DLGAP1: variants seen among roughly 807,000 people sequenced by gnomAD.
DLGAP1 encodes disks large-associated protein 1.
In DLGAP1, 11 loss-of-function variants were observed where a neutral mutation model predicts 90.8. That is an observed-to-expected ratio of 0.12 (90% confidence interval 0.08 to 0.20). The LOEUF (loss-of-function observed/expected upper bound fraction) is 0.20, where lower values mean the gene tolerates loss of function less well. Among genes scored for constraint, DLGAP1 ranks in the 10% least tolerant of loss-of-function variants. The pLI is 1.00. For missense variants in DLGAP1, 1,050 were observed against 1,333.8 expected (o/e 0.79, Z 3.31); for synonymous variants, 558 against 540.7 (o/e 1.03, Z -0.44).
intron 6 of DLGAP1, 116 bp downstream of exon 6, chr18:3,742,219 G>A: frequency 7.8e-7 from 1 of 1,278,112 alleles, no homozygotes; most frequent in Non-Finnish European, 1.1e-6. Flanking sequence ...CCTCCTGTCT[G>A]ATCCATCAAT....
At chr18:4,184,566 C>T (rs111936142) in intron 1 of DLGAP1, among the ~76,000 whole-genome samples, 5 of 152,122 alleles carry the variant, frequency 3.3e-5, no homozygotes, top group African/African-American at 9.6e-5. Context: ...ATGCCGATTT[C>T]GTTCAATGGT....
In DLGAP1 at chr18:3,879,738, G is replaced by A; in HGVS notation, c.331C>T (p.Leu111=). The change falls in exon 4 of 13, where the codon CTG becomes TTG. Residue 111 remains leucine, a synonymous_variant. Transcript: ENST00000315677. The surrounding 1 kb of genome is among the most constrained non-coding windows in gnomAD (Gnocchi z 6.6). ...TGATAGCCATCGCGGCTGAGTGGCAGCTGCCGCTCGAACTGGTCCAGCAGG... is the reference window on the plus strand; with the variant it reads ...TGATAGCCATCGCGGCTGAGTGGCAACTGCCGCTCGAACTGGTCCAGCAGG... The part of the protein sequence containing the change: ...ANLLDQFERQ[L]PLSRDGYHTL... 6.2e-7 allele frequency: 1 copy of A among 1,607,324 alleles called. No homozygotes were observed. Among genetic ancestry groups the A allele is most frequent in the Non-Finnish European group, 8.5e-7 (1 of 1,179,728 alleles).
At chr18:3,539,605 C>T (rs57399434) in intron 9 of DLGAP1, among the ~76,000 whole-genome samples, 1 of 152,242 alleles carries the variant, frequency 6.6e-6, no homozygotes, top group South Asian at 2.1e-4. Flanking sequence ...TTTCTACCCT[C>T]TCCCACTTCC....
intron 1 of DLGAP1, among the ~76,000 whole-genome samples, chr18:4,272,634 T>A (rs2079309773): frequency 6.6e-6 from 1 of 152,180 alleles, no homozygotes; most frequent in South Asian, 2.1e-4. Context: ...CAGCACCATA[T>A]GAAGTAAAAA....
At chr18:3,552,152 T>C (rs1001338620) in intron 9 of DLGAP1, among the ~76,000 whole-genome samples, 2 of 152,036 alleles carry the variant, frequency 1.3e-5, no homozygotes, top group African/African-American at 4.8e-5. Context: ...TCCAGGTGGA[T>C]AAGAAGATTC....
At position 4,002,566 on chromosome 18, in the gene DLGAP1, T is replaced by A. The variant is rs192683984; in HGVS notation, c.-73+2550A>T. 1.2e-3 allele frequency among the ~76,000 whole-genome samples: 186 copies of A among 152,306 alleles called. 1 individual carries two copies. Among genetic ancestry groups the A allele is most frequent in the African/African-American group, 4.3e-3 (178 of 41,568 alleles). On this transcript the variant is annotated intron_variant, in intron 3 of 12. Coordinates refer to ENST00000315677, the MANE Select transcript of DLGAP1 (RefSeq NM_004746.4). The stretch of plus-strand genomic sequence containing the variant: ...TTAATAACACTTTTTTTCCTCTAGC[T>A]TACTTTATGGTAAGAATACAATATG...
At chr18:4,162,126 C>G (rs531699129) in intron 1 of DLGAP1, among the ~76,000 whole-genome samples, 1 of 152,260 alleles carries the variant, frequency 6.6e-6, no homozygotes, top group South Asian at 2.1e-4. Context: ...GATTCCTGCA[C>G]CCCTGGAGCT....
intron 4 of DLGAP1, among the ~76,000 whole-genome samples, chr18:3,832,334 T>C (rs957205371): frequency 2.6e-5 from 4 of 152,232 alleles, no homozygotes; most frequent in Admixed American, 1.3e-4. Context: ...GGCTTTCTTT[T>C]GTCATTTTCT....
chr18:3,850,603 A>G (rs908476865), intron 4 of DLGAP1, among the ~76,000 whole-genome samples: 1 of 152,218 alleles, frequency 6.6e-6, no homozygotes, highest in African/African-American at 2.4e-5. Context: ...AAGATTGTTA[A>G]AAGAAACGGT....
chr18:3,778,751 T>C (rs1004967921), intron 5 of DLGAP1, among the ~76,000 whole-genome samples: 1 of 152,026 alleles, frequency 6.6e-6, no homozygotes, highest in Non-Finnish European at 1.5e-5. Context: ...GAAATGATCA[T>C]TATGTTCTAA....
At position 3,534,226 on chromosome 18, in the gene DLGAP1, C is replaced by T. The variant is rs35822832; in HGVS notation, c.2447G>A (p.Arg816Gln). 0.022 allele frequency: 36,152 copies of T among 1,614,058 alleles called. 482 individuals carry two copies. The highest frequency in any genetic ancestry group is 0.028 in the Non-Finnish European group (32,500 of 1,179,974). The change falls in exon 10 of 13, where the codon CGG becomes CAG. Residue 816 changes from arginine to glutamine, a missense_variant. Transcript: ENST00000315677. ...GGGCAGGTTGTTTTCCCGTTCTTCCCGCTCCATCTGTTGACACCACCCCTC... is the reference window on the plus strand; with the variant it reads ...GGGCAGGTTGTTTTCCCGTTCTTCCTGCTCCATCTGTTGACACCACCCCTC... ...RMEGWCQQMEREERENNLPED... is the reference protein window; with the variant it reads ...RMEGWCQQMEQEERENNLPED...
At chr18:4,059,453 G>A (rs187911114) in intron 2 of DLGAP1, among the ~76,000 whole-genome samples, 9 of 152,244 alleles carry the variant, frequency 5.9e-5, no homozygotes, top group South Asian at 4.1e-4. Context: ...GGCATGAGCC[G>A]CCGCACCTGG....
At chr18:4,372,026 T>C (rs534880934) in intron 1 of DLGAP1, among the ~76,000 whole-genome samples, 7 of 152,368 alleles carry the variant, frequency 4.6e-5, no homozygotes, top group African/African-American at 1.4e-4. Context: ...CTACAGCACA[T>C]GCTTCTATCA....
At chr18:3,867,364 T>G (rs2070462980) in intron 4 of DLGAP1, among the ~76,000 whole-genome samples, 2 of 151,976 alleles carry the variant, frequency 1.3e-5, no homozygotes, top group Admixed American at 6.6e-5. Context: ...CCAAATTATG[T>G]AATAAAATAG....
At chr18:4,021,683 C>T (rs1048004371) in intron 2 of DLGAP1, among the ~76,000 whole-genome samples, 8 of 152,030 alleles carry the variant, frequency 5.3e-5, no homozygotes, top group East Asian at 1.9e-4. Context: ...CTACAACCTC[C>T]GCCTCCTGGA....
rs2062320633 is a variant in DLGAP1 at position 3,729,268 on chromosome 18, G to A, written c.1458C>T (p.Cys486=). ...CATAGCTGTGGCTCCGCATGCGGAA[G>A]CAGCCGGGCATGGGCAGGTCCAGCG... The part of the protein sequence containing the change: ...VEALDLPMPG[C]FRMRSHSYVR... The change falls in exon 7 of 13, where the codon TGC becomes TGT. Residue 486 remains cysteine (C), a synonymous_variant. Transcript: ENST00000315677. This position sits in a 1 kb window ranked among gnomAD's most constrained non-coding sequence, Gnocchi z 6.2. 3 of 1,614,108 alleles carry A rather than the reference G, an allele frequency of 1.9e-6. No homozygotes were observed. Among genetic ancestry groups the A allele is most frequent in the Non-Finnish European group, 2.5e-6 (3 of 1,179,992 alleles).
At chr18:4,129,406 A>G (rs4798178) in intron 2 of DLGAP1, among the ~76,000 whole-genome samples, 1 of 152,090 alleles carries the variant, frequency 6.6e-6, no homozygotes, top group African/African-American at 2.4e-5. Flanking sequence ...TTGTCTTTTC[A>G]TTAAAAATTG....
At chr18:3,755,638 A>G (rs2063689394) in intron 5 of DLGAP1, among the ~76,000 whole-genome samples, 1 of 152,214 alleles carries the variant, frequency 6.6e-6, no homozygotes, top group Non-Finnish European at 1.5e-5. Flanking sequence ...TTATAAACAT[A>G]TGCACCTAAC....
At chr18:4,151,111 G>A (rs947260526) in intron 2 of DLGAP1, 69 bp downstream of exon 2, 3 of 152,174 alleles carry the variant, frequency 2.0e-5, no homozygotes, top group African/African-American at 7.2e-5. Flanking sequence ...ATATAGGATA[G>A]CTGAAGAGGA....
Sources: gnomAD v4.1 joint callset for allele counts (sites outside exome capture counted in the v4.1 genomes callset) on GRCh38, gnomAD v4.1.1 for gene constraint, Gnocchi (gnomAD v3.1) non-coding constraint, MANE v1.5 for transcripts, NCBI Gene and HGNC (gene_info 2026-07-23, HGNC 2026-07-21) for gene names.